AGAP3: variants seen among roughly 807,000 people sequenced by gnomAD.
AGAP3 encodes arf-GAP with GTPase, ANK repeat and PH domain-containing protein 3.
A neutral mutation model predicts 96.9 loss-of-function variants in AGAP3; 24 were observed. That is an observed-to-expected ratio of 0.25 (90% CI 0.18 to 0.35). The LOEUF (loss-of-function observed/expected upper bound fraction) is 0.35. AGAP3 is among the 10% of genes least tolerant of loss of function. The pLI is 1.00. For missense variants in AGAP3, 876 were observed against 1,254.2 expected (o/e 0.70, Z 4.55); for synonymous variants, 563 against 536.1 (o/e 1.05, Z -0.69).
At chr7:151,093,426 C>A (rs2150407971) in intron 1 of AGAP3, among the ~76,000 whole-genome samples, 1 of 152,306 alleles carries the variant, frequency 6.6e-6, no homozygotes, top group Admixed American at 6.5e-5. Flanking sequence ...CAGGCATGAG[C>A]CACCACGTCC....
chr7:151,089,114 A>C (rs1585028077), intron 1 of AGAP3, among the ~76,000 whole-genome samples: 5 of 144,584 alleles, frequency 3.5e-5, no homozygotes, highest in South Asian at 2.3e-4. Context: ...ATCTTTATCC[A>C]CCTCACCCGT....
intron 9 of AGAP3, among the ~76,000 whole-genome samples, chr7:151,124,452 C>T (rs761470721): frequency 1.3e-5 from 2 of 152,316 alleles, no homozygotes; most frequent in African/African-American, 4.8e-5. Flanking sequence ...CCACGGAGGG[C>T]GTCTCTTTGA....
At chr7:151,128,464 A>T in intron 9 of AGAP3, 116 bp from the exon 10 acceptor site, 1 of 800,232 alleles carries the variant, frequency 1.2e-6, no homozygotes, top group Non-Finnish European at 2.1e-6. Flanking sequence ...CTTTGCTCAA[A>T]GTGGCCCAGG....
At chr7:151,103,012 A>G (rs1293750038) in intron 1 of AGAP3, among the ~76,000 whole-genome samples, 7 of 152,230 alleles carry the variant, frequency 4.6e-5, no homozygotes, top group Non-Finnish European at 2.9e-5. Context: ...TGATTGTGCT[A>G]CTGCACTCCA....
At chr7:151,097,543 A>G (rs576789830) in intron 1 of AGAP3, among the ~76,000 whole-genome samples, 20 of 151,516 alleles carry the variant, frequency 1.3e-4, no homozygotes, top group African/African-American at 4.1e-4. Context: ...AAAGAAAAAG[A>G]AAAGAGGTTT....
chr7:151,120,575 GGCCCAGCTAGAGTCAGA>G (rs1197117607), intron 8 of AGAP3: 1 of 1,255,818 alleles, frequency 8.0e-7, no homozygotes, highest in Non-Finnish European at 1.0e-6. Flanking sequence ...AGGGTTAGCT[GGCCCAGCTAGAGTCAGA>G]GCCCAGGCCT....
Position 151,123,898 on chromosome 7 carries a change from C to T in AGAP3, c.1221+12C>T. ...TCCCCATCAAGCAGGTCAGCGCCTC[C>T]CTTCCCGTGTGCTCCAGGGCTCAGA... On this transcript the variant is annotated intron_variant, in intron 9 of 17. Coordinates refer to ENST00000397238, the MANE Select transcript of AGAP3 (RefSeq NM_031946.7). 1 of 1,602,588 alleles carries T rather than the reference C, an allele frequency of 6.2e-7. No homozygotes were observed. The highest frequency in any genetic ancestry group is 1.3e-5 in the African/African-American group (1 of 75,036).
intron 1 of AGAP3, among the ~76,000 whole-genome samples, chr7:151,098,368 CAT>C (rs756773984): frequency 2.6e-5 from 4 of 151,826 alleles, no homozygotes; most frequent in Admixed American, 6.5e-5. Flanking sequence ...CACACACACA[CAT>C]ACAAACACAC....
chr7:151,094,297 T>A (rs574903120), intron 1 of AGAP3, among the ~76,000 whole-genome samples: 1 of 152,238 alleles, frequency 6.6e-6, no homozygotes, highest in South Asian at 2.1e-4. Context: ...GCTTGTCTCG[T>A]TATTGCTTTT....
intron 8 of AGAP3, 194 bp from the exon 9 acceptor site, chr7:151,123,600 G>A: frequency 6.3e-6 from 9 of 1,438,780 alleles, no homozygotes; most frequent in African/African-American, 1.4e-5. Context: ...GTGCTGCTCT[G>A]TATGGTGCCG....
chr7:151,134,675 C>A, intron 11 of AGAP3, 107 bp downstream of exon 11: 1 of 1,153,166 alleles, frequency 8.7e-7, no homozygotes, highest in Non-Finnish European at 1.2e-6. Context: ...GGGTGCTGGC[C>A]AGCATCACAC....
chr7:151,101,773 G>A lies in AGAP3; in HGVS notation c.331+14701G>A, dbSNP rs552191877. ...GAACCTCCCAGGGAGCCAGTTCAAC[G>A]GGGCAGGAAGCCAGGGTCTCGGGAG... On this transcript the variant is annotated intron_variant, in intron 1 of 17. Transcript: ENST00000397238. 3.3e-5 allele frequency among the ~76,000 whole-genome samples: 5 copies of A among 152,324 alleles called. No individual in the cohort carries two copies. In the East Asian group the frequency reaches 7.7e-4, roughly 24 times the overall value.
At chr7:151,088,212 C>A (rs1270603713) in intron 1 of AGAP3, among the ~76,000 whole-genome samples, 1 of 152,222 alleles carries the variant, frequency 6.6e-6, no homozygotes, top group African/African-American at 2.4e-5. Context: ...TTTCAGAGGT[C>A]CCCATAGCCG....
intron 10 of AGAP3, among the ~76,000 whole-genome samples, chr7:151,132,416 G>C (rs1284205599): frequency 1.3e-5 from 2 of 152,256 alleles, no homozygotes; most frequent in Non-Finnish European, 2.9e-5. Flanking sequence ...TGGGGTGGCA[G>C]GAGGGCATAG....
intron 5 of AGAP3, 26 bp downstream of exon 5, chr7:151,117,803 G>A (rs1291951881): frequency 6.3e-7 from 1 of 1,592,238 alleles, no homozygotes; most frequent in Non-Finnish European, 8.6e-7. Flanking sequence ...GCAGGAGCTG[G>A]CAGAGAGCAG....
At chr7:151,135,577 A>G (rs1038273371) in intron 11 of AGAP3, among the ~76,000 whole-genome samples, 2 of 152,232 alleles carry the variant, frequency 1.3e-5, no homozygotes, top group African/African-American at 4.8e-5. Context: ...GTTAGAGGGA[A>G]GGAAGGCGCA....
chr7:151,115,389 C>T, intron 1 of AGAP3: 3 of 1,020,646 alleles, frequency 2.9e-6, no homozygotes, highest in Non-Finnish European at 3.5e-6. Flanking sequence ...CGAGTCAGGG[C>T]TGCTGGCCCG....
intron 1 of AGAP3, among the ~76,000 whole-genome samples, chr7:151,105,723 C>T (rs1044634439): frequency 4.0e-5 from 6 of 148,286 alleles, no homozygotes; most frequent in Non-Finnish European, 8.9e-5. Flanking sequence ...GCTCTAATCT[C>T]GCCACTGCAC....
intron 1 of AGAP3, among the ~76,000 whole-genome samples, chr7:151,094,873 CCCTTCCTTCCTT>C (rs540835239): frequency 1.3e-5 from 2 of 150,494 alleles, no homozygotes; most frequent in East Asian, 2.0e-4. Context: ...CTCCCTTCCT[CCCTTCCTTCCTT>C]CCTTCCTTCC....
Sources: allele counts gnomAD v4.1 joint callset (sites outside exome capture counted in the v4.1 genomes callset), GRCh38; gene constraint gnomAD v4.1.1; transcripts MANE v1.5; gene names NCBI Gene and HGNC (gene_info 2026-07-23, HGNC 2026-07-21).